Variants in DNAJC13 observed in about 807,000 individuals in gnomAD.
The protein encoded by DNAJC13 is DnaJ heat shock protein family (Hsp40) member C13.
In DNAJC13, 75 loss-of-function variants were observed where a neutral mutation model predicts 290.5. The ratio of observed to expected loss-of-function variants is 0.26; its 90% CI spans 0.21 to 0.31. The LOEUF is 0.31. DNAJC13 is among the 10% of genes least tolerant of loss of function. The probability of loss-of-function intolerance (pLI) is 1.00; values close to 1 mark genes in which losing one functional copy is unlikely to be tolerated. For synonymous variants in DNAJC13, 862 were observed against 892.0 expected (o/e 0.97, Z 0.60); for missense variants, 2,260 against 2,674.5 (o/e 0.85, Z 3.42).
At chr3:132,485,070 C>A (rs1934810203) in intron 29 of DNAJC13, among the ~76,000 whole-genome samples, 1 of 152,052 alleles carries the variant, frequency 6.6e-6, no homozygotes, top group Non-Finnish European at 1.5e-5. Flanking sequence ...GGCAACAGAG[C>A]AAGACCTTGT....
chr3:132,513,795 G>A (rs1314710850), intron 45 of DNAJC13, among the ~76,000 whole-genome samples: 4 of 152,086 alleles, frequency 2.6e-5, no homozygotes, highest in African/African-American at 4.8e-5. Context: ...TCTTTGCCCA[G>A]GCAACCGAGA....
At chr3:132,453,141 A>T (rs1231943592) in intron 6 of DNAJC13, among the ~76,000 whole-genome samples, 157 bp from the exon 7 acceptor site, 1 of 152,204 alleles carries the variant, frequency 6.6e-6, no homozygotes, top group Non-Finnish European at 1.5e-5. Flanking sequence ...TTAATTTAGT[A>T]ATAGTCTTTT....
Position 132,467,343 on chromosome 3 carries a change from G to A in DNAJC13, c.2208+30G>A, listed in dbSNP as rs62292896. The stretch of plus-strand genomic sequence containing the variant: ...AAATAAAATTTGCTTCCAAATTCCT[G>A]GCACTTCTGTGTGTCCTAGTCTACT... On this transcript the variant is annotated intron_variant, in intron 20 of 55. Coordinates refer to ENST00000260818, the MANE Select transcript of DNAJC13 (RefSeq NM_015268.4). The A allele has an allele frequency of 0.14, 225,475 of 1,609,210 alleles. 16,560 individuals are homozygous for A. Among genetic ancestry groups the A allele is most frequent in the African/African-American group, 0.22 (16,203 of 74,762 alleles).
At chr3:132,420,526 T>C (rs1938924275) in intron 1 of DNAJC13, among the ~76,000 whole-genome samples, 2 of 151,960 alleles carry the variant, frequency 1.3e-5, no homozygotes, top group African/African-American at 4.8e-5. Context: ...TTAGACTTAA[T>C]CAGAACATCA....
chr3:132,444,810 C>T (rs1933191068), intron 2 of DNAJC13, among the ~76,000 whole-genome samples: 1 of 152,080 alleles, frequency 6.6e-6, no homozygotes, highest in Non-Finnish European at 1.5e-5. Context: ...TTTACTTCAC[C>T]AGTCCCCTAA....
chr3:132,471,312 CCCGGACGGGGCGGCTGG>C (rs1934243735), intron 20 of DNAJC13, among the ~76,000 whole-genome samples: 1 of 146,092 alleles, frequency 6.8e-6, no homozygotes, highest in African/African-American at 2.5e-5. Context: ...CCACCTCCCT[CCCGGACGGGGCGGCTGG>C]CCGGGCGGGG....
intron 41 of DNAJC13, among the ~76,000 whole-genome samples, chr3:132,503,792 C>A (rs549821877): frequency 6.6e-6 from 1 of 152,244 alleles, no homozygotes; most frequent in Non-Finnish European, 1.5e-5. Context: ...CATACATGCA[C>A]ATATACATGT....
At chr3:132,427,070 TAC>T (rs1646646874) in intron 1 of DNAJC13, among the ~76,000 whole-genome samples, 1 of 131,280 alleles carries the variant, frequency 7.6e-6, no homozygotes, top group Non-Finnish European at 1.6e-5. Flanking sequence ...TGTTTATATA[TAC>T]ATATGTGTGT....
At chr3:132,494,116 A>C (rs377455333) in intron 33 of DNAJC13, 28 bp from the exon 34 acceptor site, 1,245 of 1,414,540 alleles carry the variant, frequency 8.8e-4, no homozygotes, top group Non-Finnish European at 1.2e-3. Context: ...TTTTACTTTG[A>C]TATAAATTTT....
intron 1 of DNAJC13, among the ~76,000 whole-genome samples, chr3:132,428,119 G>A (rs527996598): frequency 2.0e-5 from 3 of 152,272 alleles, no homozygotes; most frequent in African/African-American, 7.2e-5. Context: ...ACTGTACTTG[G>A]AGGACCTCTA....
At chr3:132,506,652 A>G (rs748041572) in intron 42 of DNAJC13, among the ~76,000 whole-genome samples, 12 of 143,034 alleles carry the variant, frequency 8.4e-5, no homozygotes, top group South Asian at 4.3e-4. Context: ...CCCAGGTTCA[A>G]GTGATTCTCC....
At chr3:132,458,634 A>G (rs73860737) in intron 13 of DNAJC13, among the ~76,000 whole-genome samples, 7,380 of 152,226 alleles carry the variant, frequency 0.048, 600 homozygotes, top group African/African-American at 0.17. Flanking sequence ...GATGGAGACC[A>G]ATGTATATAT....
chr3:132,532,917 T>TTATTATTATTATTAG (rs1408789497), intron 55 of DNAJC13, among the ~76,000 whole-genome samples: 3 of 148,858 alleles, frequency 2.0e-5, no homozygotes, highest in African/African-American at 7.4e-5. Context: ...TTTGTAATTA[T>TTATTATTATTATTAG]TATTATTATT....
At chr3:132,524,343 C>T (rs1038584128) in intron 51 of DNAJC13, among the ~76,000 whole-genome samples, 1 of 152,162 alleles carries the variant, frequency 6.6e-6, no homozygotes, top group Non-Finnish European at 1.5e-5. Flanking sequence ...GTTGTTTAAA[C>T]AGGCTGGCTA....
At chr3:132,495,053 T>C (rs1425409706) in intron 34 of DNAJC13, 35 bp from the exon 35 acceptor site, 1 of 1,477,542 alleles carries the variant, frequency 6.8e-7, no homozygotes, top group East Asian at 2.3e-5. Context: ...TCTTGTGCCT[T>C]ACTATACTCA....
At chr3:132,522,439 G>A (rs1477976051) in intron 48 of DNAJC13, among the ~76,000 whole-genome samples, 1 of 152,184 alleles carries the variant, frequency 6.6e-6, no homozygotes. Flanking sequence ...GTGGGCAGGG[G>A]CTATAAAAGA....
chr3:132,463,928 T>A, intron 17 of DNAJC13, 111 bp downstream of exon 17: 1 of 1,262,676 alleles, frequency 7.9e-7, no homozygotes, highest in East Asian at 2.7e-5. Flanking sequence ...CATTTTCTTT[T>A]GATCCACCTA....
At chr3:132,445,988 G>C (rs1368756755) in intron 2 of DNAJC13, among the ~76,000 whole-genome samples, 1 of 152,054 alleles carries the variant, frequency 6.6e-6, no homozygotes, top group Non-Finnish European at 1.5e-5. Flanking sequence ...ACACTGAGAT[G>C]TAATAGGTAG....
intron 2 of DNAJC13, among the ~76,000 whole-genome samples, chr3:132,442,624 C>G (rs1277487112): frequency 1.3e-5 from 2 of 152,144 alleles, no homozygotes. Context: ...GCCTCAAACA[C>G]TTGTATTTCT....
Sources: gnomAD v4.1 joint callset for allele counts (sites outside exome capture counted in the v4.1 genomes callset) on GRCh38, gnomAD v4.1.1 for gene constraint, MANE v1.5 for transcripts, NCBI Gene and HGNC (gene_info 2026-07-23, HGNC 2026-07-21) for gene names.